The following C17orf78 variants were observed in gnomAD, a reference collection of about 807,000 sequenced individuals.
The protein encoded by C17orf78 is chromosome 17 open reading frame 78, also known as uncharacterized protein C17orf78.
Under a neutral mutation model 31.8 loss-of-function variants are expected in C17orf78, and 27 were observed. That is an observed-to-expected ratio of 0.85 (90% CI 0.63 to 1.17). C17orf78 has a LOEUF of 1.17. C17orf78 is among the 50% of genes most tolerant of loss of function. The probability of loss-of-function intolerance (pLI) is 0.00; values close to 1 mark genes in which losing one functional copy is unlikely to be tolerated. For missense variants in C17orf78, 258 were observed against 315.2 expected (o/e 0.82, Z 1.37); for synonymous variants, 106 against 115.1 (o/e 0.92, Z 0.51).
chr17:37,376,673 G>A (rs781484243), intron 1 of C17orf78, among the ~76,000 whole-genome samples: 1 of 152,124 alleles, frequency 6.6e-6, no homozygotes, highest in Non-Finnish European at 1.5e-5. Flanking sequence ...AGCTAATCAA[G>A]GCTGGGCACG....
chr17:37,390,334 A>ATATATCTATATATCTAT (rs2050822111), intron 6 of C17orf78, among the ~76,000 whole-genome samples: 1 of 93,444 alleles, frequency 1.1e-5, no homozygotes, highest in East Asian at 3.4e-4. Context: ...ATATATATAT[A>ATATATCTATATATCTAT]AAAGGCCAGC....
chr17:37,377,195 G>C (rs570685460), intron 1 of C17orf78, among the ~76,000 whole-genome samples: 1 of 152,220 alleles, frequency 6.6e-6, no homozygotes, highest in South Asian at 2.1e-4. Flanking sequence ...CAGAATAGGA[G>C]GGAGAAGAGA....
intron 3 of C17orf78, among the ~76,000 whole-genome samples, chr17:37,380,540 T>A (rs930436337): frequency 9.9e-5 from 15 of 152,164 alleles, no homozygotes; most frequent in Non-Finnish European, 2.2e-4. Flanking sequence ...ACTCTGTGAT[T>A]TTCATGTGAT....
At chr17:37,390,271 A>ATATAATT (rs1285790911) in intron 6 of C17orf78, among the ~76,000 whole-genome samples, 1 of 51,042 alleles carries the variant, frequency 2.0e-5, no homozygotes, top group African/African-American at 9.3e-5. Context: ...AATTATATAT[A>ATATAATT]ATATATTATA....
chr17:37,382,444 T>C (rs1039804493), intron 3 of C17orf78, among the ~76,000 whole-genome samples: 3 of 151,624 alleles, frequency 2.0e-5, no homozygotes, highest in East Asian at 1.9e-4. Context: ...AAAAATAAAA[T>C]AAAACTTGAC....
At chr17:37,388,146 C>T (rs2050630320) in intron 4 of C17orf78, among the ~76,000 whole-genome samples, 1 of 152,014 alleles carries the variant, frequency 6.6e-6, no homozygotes, top group South Asian at 2.1e-4. Context: ...GTCTTGAGTG[C>T]CAGAGTGAGA....
rs377287082 is a variant in C17orf78 at position 37,391,694 on chromosome 17, G to C, written c.798G>C (p.Glu266Asp). The C allele has an allele frequency of 1.9e-6, 3 of 1,613,754 alleles. No individual in the cohort carries two copies. In the African/African-American group the frequency reaches 4.0e-5, roughly 22 times the overall value. The change falls in exon 7 of 7, where the codon GAG becomes GAC. Residue 266 changes from glutamate to aspartate, a missense_variant. By Grantham distance (45) the Glu-to-Asp change is conservative (BLOSUM62 2). Coordinates refer to ENST00000615133, the MANE Select transcript of C17orf78 (RefSeq NM_173625.5). ...ANSSNPKKAA[E>D]ITVIHQTYF is the part of the protein sequence containing the mutation. ...CATCAAACCCAAAGAAAGCTGCAGA[G>C]ATCACTGTTATCCACCAGACATACT...
chr17:37,390,188 T>A (rs1338168660), intron 6 of C17orf78, among the ~76,000 whole-genome samples: 1 of 50,940 alleles, frequency 2.0e-5, no homozygotes, highest in African/African-American at 9.5e-5. Flanking sequence ...ACACACACAT[T>A]ATATATAAAT....
intron 6 of C17orf78, among the ~76,000 whole-genome samples, chr17:37,389,606 G>A (rs2050702438): frequency 6.6e-6 from 1 of 151,972 alleles, no homozygotes; most frequent in Admixed American, 6.6e-5. Context: ...AGAATCGCTT[G>A]AACCTGGGAG....
chr17:37,389,519 C>T (rs1269813811), intron 6 of C17orf78, among the ~76,000 whole-genome samples, 157 bp downstream of exon 6: 1 of 152,030 alleles, frequency 6.6e-6, no homozygotes, highest in African/African-American at 2.4e-5. Context: ...TGACGAAACC[C>T]TGTCTCTACT....
At chr17:37,389,859 T>C (rs1380225283) in intron 6 of C17orf78, among the ~76,000 whole-genome samples, 4 of 151,394 alleles carry the variant, frequency 2.6e-5, no homozygotes, top group African/African-American at 9.7e-5. Context: ...AGGAAATAGG[T>C]AGGATTTTAT....
chr17:37,380,553 C>A (rs888823288), intron 3 of C17orf78, among the ~76,000 whole-genome samples: 2 of 152,050 alleles, frequency 1.3e-5, no homozygotes, highest in African/African-American at 4.8e-5. Context: ...CATGTGATCT[C>A]CATTTCTGAT....
intron 3 of C17orf78, among the ~76,000 whole-genome samples, chr17:37,380,842 C>T (rs1345043290): frequency 3.3e-5 from 5 of 151,578 alleles, no homozygotes; most frequent in African/African-American, 7.3e-5. Context: ...AGTATCTGCC[C>T]GCCTTGGCCT....
intron 3 of C17orf78, among the ~76,000 whole-genome samples, chr17:37,384,822 T>C (rs1046707732): frequency 1.3e-5 from 2 of 152,352 alleles, no homozygotes; most frequent in Admixed American, 6.5e-5. Flanking sequence ...CCTGGTACTA[T>C]GGCCACTGGC....
chr17:37,390,140 GTA>G (rs1243535532), intron 6 of C17orf78, among the ~76,000 whole-genome samples: 5,999 of 34,522 alleles, frequency 0.17, 692 homozygotes, highest in Non-Finnish European at 0.23. Context: ...AAAAAAAAAA[GTA>G]TATATATATA....
chr17:37,390,330 A>ATATCTATATCTATATC (rs1555672373), intron 6 of C17orf78, among the ~76,000 whole-genome samples: 1 of 41,582 alleles, frequency 2.4e-5, no homozygotes, highest in African/African-American at 1.3e-4. Context: ...ATATATATAT[A>ATATCTATATCTATATC]TATAAAAGGC....
Position 37,376,027 on chromosome 17 carries a change from A to C in C17orf78, c.-66A>C. 6 of 1,380,750 alleles carry C rather than the reference A, an allele frequency of 4.3e-6. No homozygotes were observed. Among genetic ancestry groups the C allele is most frequent in the African/African-American group, 1.4e-5 (1 of 70,410 alleles). The allele number at this position is 1,380,750 out of a possible 1,614,324, so 85.5% of individuals were successfully genotyped here. On this transcript the variant is annotated 5_prime_UTR_variant, in exon 1 of 7. Transcript: ENST00000615133. ...GCGTGTGGTGAAAGCAACTAGAGGCAGAGCTATCAAGGGCTGTGACAGATG... is the reference window on the plus strand; with the variant it reads ...GCGTGTGGTGAAAGCAACTAGAGGCCGAGCTATCAAGGGCTGTGACAGATG...
rs372714109 is a variant in C17orf78 at position 37,377,977 on chromosome 17, G to A, written c.145+12G>A. ...ATTGCAAATGCAAGGTAGGGAATGG[G>A]TCCTTTCTGGAAAATGATATTGCCA... is the stretch of plus-strand genomic sequence containing the variant. On this transcript the variant is annotated intron_variant, in intron 2 of 6. Transcript: ENST00000615133. 5 of 1,610,464 alleles carry A rather than the reference G, an allele frequency of 3.1e-6. No individual in the cohort carries two copies. In the Admixed American group the frequency reaches 6.7e-5, roughly 22 times the overall value.
chr17:37,390,113 G>T, intron 6 of C17orf78, among the ~76,000 whole-genome samples: 1 of 104,420 alleles, frequency 9.6e-6, no homozygotes. Context: ...GCAACATAGC[G>T]AGACACTGTC....
Sources: gnomAD v4.1 joint callset for allele counts (sites outside exome capture counted in the v4.1 genomes callset) on GRCh38, gnomAD v4.1.1 for gene constraint, MANE v1.5 for transcripts, NCBI Gene and HGNC (gene_info 2026-07-23, HGNC 2026-07-21) for gene names.